Variants in AP3B1 observed in about 807,000 individuals in gnomAD.
The protein encoded by AP3B1 is adaptor related protein complex 3 subunit beta 1.
In AP3B1, 61 loss-of-function variants were observed where a neutral mutation model predicts 132.5. The observed-to-expected ratio is 0.46, with a 90% confidence interval of 0.37 to 0.57. The LOEUF (loss-of-function observed/expected upper bound fraction) is 0.57. Among genes scored for constraint, AP3B1 ranks in the 20% least tolerant of loss-of-function variants. The pLI is 0.00. For missense variants in AP3B1, 1,120 were observed against 1,289.4 expected, an observed-to-expected ratio of 0.87 and a Z score of 2.01; for synonymous variants, 388 against 438.3, an observed-to-expected ratio of 0.89 and a Z score of 1.43.
intron 11 of AP3B1, among the ~76,000 whole-genome samples, chr5:78,171,688 G>A (rs1400575424): frequency 6.6e-6 from 1 of 152,090 alleles, no homozygotes; most frequent in Non-Finnish European, 1.5e-5. Flanking sequence ...CTGCAAACAG[G>A]GACAATTTGA....
chr5:78,004,619 T>A (rs903898697), intron 26 of AP3B1, among the ~76,000 whole-genome samples: 1 of 152,226 alleles, frequency 6.6e-6, no homozygotes, highest in African/African-American at 2.4e-5. Flanking sequence ...CCAAAACAGA[T>A]ATGCTAATTT....
intron 24 of AP3B1, among the ~76,000 whole-genome samples, chr5:78,028,883 G>A (rs1027877469): frequency 1.3e-5 from 2 of 152,150 alleles, no homozygotes; most frequent in African/African-American, 4.8e-5. Context: ...TACTGGTGTA[G>A]AACTGTATGG....
At chr5:78,158,500 A>G (rs1227939226) in intron 13 of AP3B1, among the ~76,000 whole-genome samples, 1 of 152,052 alleles carries the variant, frequency 6.6e-6, no homozygotes, top group East Asian at 1.9e-4. Flanking sequence ...GCTAACTAAT[A>G]TTAATGCTTC....
intron 22 of AP3B1, among the ~76,000 whole-genome samples, chr5:78,044,299 C>A (rs2112111355): frequency 6.6e-6 from 1 of 152,324 alleles, no homozygotes; most frequent in African/African-American, 2.4e-5. Flanking sequence ...AATTCCCATG[C>A]TACTAAGGCT....
At chr5:78,013,324 T>C (rs555689949) in intron 26 of AP3B1, among the ~76,000 whole-genome samples, 2 of 152,254 alleles carry the variant, frequency 1.3e-5, no homozygotes, top group East Asian at 1.9e-4. Flanking sequence ...GGATGACAGA[T>C]GTAAGCCACC....
At chr5:78,096,293 A>G (rs252746) in intron 21 of AP3B1, among the ~76,000 whole-genome samples, 42,964 of 152,100 alleles carry the variant, frequency 0.28, 6,809 homozygotes, top group African/African-American at 0.42. Context: ...GATTGCAGAC[A>G]GTGTCTGGTT....
At chr5:78,279,485 T>C (rs1175985771) in intron 1 of AP3B1, among the ~76,000 whole-genome samples, 4 of 150,412 alleles carry the variant, frequency 2.7e-5, no homozygotes, top group Non-Finnish European at 4.5e-5. Context: ...ATGCCTTTTA[T>C]GTATATCATC....
Position 78,113,858 on chromosome 5 carries a change from C to T in AP3B1, c.2143G>A (p.Asp715Asn), listed in dbSNP as rs537066056. 7.4e-6 allele frequency: 12 copies of T among 1,614,242 alleles called. No homozygotes were observed. The South Asian group carries it at 8.8e-5, about 12-fold the overall frequency. ...ESGEEGDSNEDSSEDSSSEQD... is the reference protein window; with the variant it reads ...ESGEEGDSNENSSEDSSSEQD... ...TCACTGGAGGAGTCCTCACTGCTGT[C>T]CTCATTGCTGTCTCCTTCCTCCCCA... The change falls in exon 19 of 27, where the codon GAC (aspartate) becomes AAC (asparagine). Residue 715 changes from aspartate (D) to asparagine (N), a missense_variant. Transcript: ENST00000255194.
intron 1 of AP3B1, among the ~76,000 whole-genome samples, chr5:78,285,980 A>C (rs779610508): frequency 5.9e-5 from 9 of 152,192 alleles, no homozygotes; most frequent in Non-Finnish European, 1.2e-4. Context: ...TTTAAAGGGT[A>C]AACAATCATT....
intron 17 of AP3B1, among the ~76,000 whole-genome samples, chr5:78,122,549 A>G (rs1190488529): frequency 6.6e-6 from 1 of 152,214 alleles, no homozygotes; most frequent in African/African-American, 2.4e-5. Flanking sequence ...TTATACACCA[A>G]TAACGGACAA....
chr5:78,277,570 C>T (rs568543454), intron 1 of AP3B1, among the ~76,000 whole-genome samples: 2 of 152,126 alleles, frequency 1.3e-5, no homozygotes, highest in Non-Finnish European at 1.5e-5. Flanking sequence ...TCTGAGGTCT[C>T]GAAGTACAAG....
At chr5:78,207,617 G>T (rs943383655) in intron 7 of AP3B1, among the ~76,000 whole-genome samples, 8 of 151,942 alleles carry the variant, frequency 5.3e-5, no homozygotes, top group African/African-American at 1.5e-4. Flanking sequence ...ATAAAAGGAA[G>T]AAGTGAACCT....
intron 25 of AP3B1, 178 bp from the exon 26 acceptor site, chr5:78,015,726 T>A (rs533301365): frequency 4.9e-6 from 3 of 614,764 alleles, no homozygotes; most frequent in East Asian, 3.0e-5. Flanking sequence ...CGAAGTTTTT[T>A]AAAATCCTCA....
intron 5 of AP3B1, among the ~76,000 whole-genome samples, chr5:78,227,134 A>T (rs547672052): frequency 6.6e-6 from 1 of 152,210 alleles, no homozygotes; most frequent in Non-Finnish European, 1.5e-5. Context: ...AAATCTATAA[A>T]TTATCACAGG....
At chr5:78,080,931 C>T (rs1749973754) in intron 22 of AP3B1, among the ~76,000 whole-genome samples, 1 of 152,150 alleles carries the variant, frequency 6.6e-6, no homozygotes. Context: ...CTTTGATACA[C>T]CTGTGAGCAG....
rs1491352060 is a variant in AP3B1 at position 78,202,551 on chromosome 5, C to CAGTGTGTGTG, written c.786+13494_786+13503dup. On this transcript the variant is annotated intron_variant, in intron 7 of 26. Transcript: ENST00000255194. ...ATACACTAAACATATGCCATATATT[C>CAGTGTGTGTG]AGTGTGTGTGTGTGTGTGTGTGTGT... Among the ~76,000 whole-genome samples the CAGTGTGTGTG allele has an allele frequency of 6.3e-3, 356 of 56,362 alleles. 2 individuals are homozygous for CAGTGTGTGTG. Among genetic ancestry groups the CAGTGTGTGTG allele is most frequent in the African/African-American group, 0.023 (346 of 15,004 alleles). The allele number at this position is 56,362 out of a possible 152,430, so 37.0% of individuals were successfully genotyped here.
chr5:78,158,199 C>G (rs997613758), intron 13 of AP3B1, among the ~76,000 whole-genome samples: 6 of 152,274 alleles, frequency 3.9e-5, no homozygotes, highest in Admixed American at 2.6e-4. Flanking sequence ...TGACTGGGCA[C>G]AGTGGCTCAG....
At chr5:78,289,975 C>T (rs1163279534) in intron 1 of AP3B1, among the ~76,000 whole-genome samples, 4 of 152,168 alleles carry the variant, frequency 2.6e-5, no homozygotes, top group Non-Finnish European at 5.9e-5. Context: ...CTGGCAAAAA[C>T]CTCAGGCTTT....
intron 22 of AP3B1, chr5:78,044,006 T>G: frequency 3.4e-6 from 1 of 293,624 alleles, no homozygotes; most frequent in South Asian, 3.9e-5. Context: ...TCAGAAACAT[T>G]AGATCAACCC....
Sources: allele counts gnomAD v4.1 joint callset (sites outside exome capture counted in the v4.1 genomes callset), GRCh38; gene constraint gnomAD v4.1.1; transcripts MANE v1.5; gene names NCBI Gene and HGNC (gene_info 2026-07-23, HGNC 2026-07-21).